FAAH2: variants seen among roughly 807,000 people sequenced by gnomAD.
FAAH2 encodes the protein fatty-acid amide hydrolase 2.
Under a neutral mutation model 36.9 loss-of-function variants are expected in FAAH2, and 60 were observed. The ratio of observed to expected loss-of-function variants is 1.63; its 90% CI spans 1.32 to 2.02. The LOEUF (loss-of-function observed/expected upper bound fraction) is 2.02. FAAH2 is among the 30% of genes most tolerant of loss of function. The pLI is 0.00. For missense variants in FAAH2, 689 were observed against 397.5 expected, an observed-to-expected ratio of 1.73 and a Z score of -6.23; for synonymous variants, 214 against 143.8, an observed-to-expected ratio of 1.49 and a Z score of -3.49.
intron 10 of FAAH2, among the ~76,000 whole-genome samples, chrX:57,449,520 C>T (rs1234011677): frequency 9.0e-6 from 1 of 111,629 alleles, no homozygotes; most frequent in Middle Eastern, 4.6e-3. Flanking sequence ...TGAAATAATA[C>T]GTGTAAATTA....
chrX:57,254,825 G>T, the FAAH2 span, among the ~76,000 whole-genome samples: 1 of 111,273 alleles, frequency 9.0e-6, no homozygotes, highest in Non-Finnish European at 1.9e-5. Flanking sequence ...GAAAGCAAGA[G>T]ACATCTAAAA....
chrX:57,438,006 T>C (rs974800389), intron 8 of FAAH2, among the ~76,000 whole-genome samples: 3 of 104,330 alleles, frequency 2.9e-5, no homozygotes, highest in Non-Finnish European at 5.9e-5. Flanking sequence ...CATACGTATA[T>C]GTATACACAT....
intron 7 of FAAH2, among the ~76,000 whole-genome samples, chrX:57,424,385 C>T (rs2056110356): frequency 8.9e-6 from 1 of 111,913 alleles, no homozygotes; most frequent in South Asian, 3.7e-4. Flanking sequence ...GCTTCTGCCA[C>T]AGCTGGCTGG....
chrX:57,342,985 A>C (rs939667329), intron 5 of FAAH2, among the ~76,000 whole-genome samples: 1 of 111,816 alleles, frequency 8.9e-6, no homozygotes, highest in Non-Finnish European at 1.9e-5. Flanking sequence ...ATAGTATTTC[A>C]TGGTGTAAAG....
chrX:57,241,493 G>A, the FAAH2 span, among the ~76,000 whole-genome samples: 2 of 111,621 alleles, frequency 1.8e-5, no homozygotes, highest in Admixed American at 9.4e-5. Context: ...ACATAAACAG[G>A]CACTTTTCTT....
chrX:57,250,857 TC>T, the FAAH2 span, among the ~76,000 whole-genome samples: 65 of 110,779 alleles, frequency 5.9e-4, no homozygotes, highest in Middle Eastern at 4.6e-3. Flanking sequence ...GGAGATTGAA[TC>T]AATAATCAAA....
At chrX:57,170,876 T>G in the FAAH2 span, among the ~76,000 whole-genome samples, 3 of 109,698 alleles carry the variant, frequency 2.7e-5, no homozygotes, top group Non-Finnish European at 3.8e-5. Flanking sequence ...AGCTATTTTT[T>G]TTTTTATATT....
intron 1 of FAAH2, among the ~76,000 whole-genome samples, chrX:57,288,978 A>T (rs957721): frequency 0.45 from 49,952 of 110,217 alleles, 11,436 homozygotes; most frequent in African/African-American, 0.89. Flanking sequence ...AGTTTCTGAC[A>T]TTTTTAAACA....
upstream of FAAH2, chrX:57,286,661 G>T (rs937887075): frequency 9.3e-5 from 41 of 441,535 alleles, no homozygotes; most frequent in Non-Finnish European, 1.4e-4. Flanking sequence ...CTCTGGCTAG[G>T]AGCCCTGCAG....
chrX:57,242,145 C>T, the FAAH2 span, among the ~76,000 whole-genome samples: 1 of 112,468 alleles, frequency 8.9e-6, no homozygotes, highest in African/African-American at 3.2e-5. Context: ...TCCCTGACCC[C>T]CGTGCCTCCC....
At chrX:57,191,942 A>T in the FAAH2 span, among the ~76,000 whole-genome samples, 6 of 111,309 alleles carry the variant, frequency 5.4e-5, no homozygotes, top group Non-Finnish European at 1.1e-4. Context: ...TTTGCTTAGG[A>T]TAGGCTATTC....
chrX:57,290,161 C>A, intron 1 of FAAH2: 1 of 421,614 alleles, frequency 2.4e-6, no homozygotes, highest in Non-Finnish European at 3.0e-6. Context: ...TAGCAAATGG[C>A]AATTATGGTC....
At position 57,336,335 on chromosome X, in the gene FAAH2, C is replaced by T. The variant is rs1013873416; in HGVS notation, c.622+4528C>T. Reference sequence around the variant, plus strand: ...CAAATCCTATAAAATGGCCCCACCCCTATCTCCCTTCATTGACTCTCTTTT... The same window carrying T: ...CAAATCCTATAAAATGGCCCCACCCTTATCTCCCTTCATTGACTCTCTTTT... On this transcript the variant is annotated intron_variant, in intron 4 of 10. Coordinates refer to ENST00000374900, the MANE Select transcript of FAAH2 (RefSeq NM_174912.4). Among the ~76,000 whole-genome samples the T allele has an allele frequency of 4.5e-5, 5 of 110,796 alleles. No homozygotes were observed. The South Asian group carries it at 1.9e-3, about 43-fold the overall frequency.
At chrX:57,240,457 G>A in the FAAH2 span, among the ~76,000 whole-genome samples, 23 of 111,612 alleles carry the variant, frequency 2.1e-4, no homozygotes, top group Non-Finnish European at 2.3e-4. Flanking sequence ...GAGTGCTGGC[G>A]AAAGTGATTC....
At chrX:57,418,426 C>T (rs764698797) in intron 7 of FAAH2, among the ~76,000 whole-genome samples, 26 of 110,925 alleles carry the variant, frequency 2.3e-4, no homozygotes, top group Non-Finnish European at 4.2e-4. Flanking sequence ...TTATCTGGGG[C>T]CGTATTGCAC....
chrX:57,361,975 C>A (rs989093419), intron 5 of FAAH2, among the ~76,000 whole-genome samples: 1 of 111,507 alleles, frequency 9.0e-6, no homozygotes, highest in Non-Finnish European at 1.9e-5. Flanking sequence ...CCACTCTCCT[C>A]TTTTCTGTAA....
At chrX:57,232,418 C>T in the FAAH2 span, among the ~76,000 whole-genome samples, 2 of 112,209 alleles carry the variant, frequency 1.8e-5, no homozygotes, top group East Asian at 2.8e-4. Context: ...TAGTGACCTA[C>T]ACAAAGTGCC....
the FAAH2 span, among the ~76,000 whole-genome samples, chrX:57,159,797 G>C: frequency 9.0e-6 from 1 of 111,729 alleles, no homozygotes; most frequent in Non-Finnish European, 1.9e-5. Flanking sequence ...GGGACAATTT[G>C]ACTTCCTCTT....
At chrX:57,430,252 T>C (rs1257387702) in intron 7 of FAAH2, among the ~76,000 whole-genome samples, 1 of 112,159 alleles carries the variant, frequency 8.9e-6, no homozygotes, top group East Asian at 2.8e-4. Context: ...TTGTAGACTA[T>C]AGTGTCATTT....
Sources: allele counts gnomAD v4.1 joint callset (sites outside exome capture counted in the v4.1 genomes callset), GRCh38; gene constraint gnomAD v4.1.1; transcripts MANE v1.5; gene names NCBI Gene and HGNC (gene_info 2026-07-23, HGNC 2026-07-21).